The following LARS2 variants were observed in gnomAD, a reference collection of about 807,000 sequenced individuals.
LARS2 encodes the protein leucyl-tRNA synthetase 2, mitochondrial.
A neutral mutation model predicts 116.6 loss-of-function variants in LARS2; 81 were observed. The ratio of observed to expected loss-of-function variants is 0.69; its 90% confidence interval spans 0.58 to 0.84. The LOEUF is 0.84. Ranked by LOEUF, LARS2 falls within the 40% of genes least tolerant of loss-of-function variation. The probability of loss-of-function intolerance (pLI) is 0.00; values close to 1 mark genes in which losing one functional copy is unlikely to be tolerated. For missense variants in LARS2, 968 were observed against 1,114.5 expected, an observed-to-expected ratio of 0.87 and a Z score of 1.87; for synonymous variants, 396 against 407.2, an observed-to-expected ratio of 0.97 and a Z score of 0.33.
At chr3:45,535,962 G>A (rs1700699231) in intron 20 of LARS2, among the ~76,000 whole-genome samples, 1 of 152,080 alleles carries the variant, frequency 6.6e-6, no homozygotes, top group African/African-American at 2.4e-5. Flanking sequence ...GTAACTTCCT[G>A]TGAATCTATA....
At chr3:45,542,057 A>G in intron 21 of LARS2, 101 bp downstream of exon 21, 1 of 1,425,834 alleles carries the variant, frequency 7.0e-7, no homozygotes, top group Non-Finnish European at 9.6e-7. Context: ...AGGCCTTTCT[A>G]GCTCACTCAG....
At chr3:45,428,142 T>G (rs1698627765) in intron 6 of LARS2, among the ~76,000 whole-genome samples, 1 of 151,540 alleles carries the variant, frequency 6.6e-6, no homozygotes, top group Admixed American at 6.6e-5. Context: ...TTCAATGTAC[T>G]TTTACCACTA....
intron 7 of LARS2, among the ~76,000 whole-genome samples, chr3:45,452,475 G>A (rs535038404): frequency 9.9e-5 from 15 of 151,682 alleles, no homozygotes; most frequent in South Asian, 2.1e-4. Flanking sequence ...TGATTTTGTC[G>A]TATGACATGA....
At chr3:45,398,567 C>T (rs182908904) in intron 3 of LARS2, among the ~76,000 whole-genome samples, 26 of 152,286 alleles carry the variant, frequency 1.7e-4, no homozygotes, top group East Asian at 1.3e-3. Flanking sequence ...CCCTTAGTGA[C>T]GAAACAGAAT....
intron 18 of LARS2, 106 bp downstream of exon 18, chr3:45,518,178 G>C (rs1163529929): frequency 1.3e-6 from 1 of 785,912 alleles, no homozygotes; most frequent in Non-Finnish European, 2.0e-6. Context: ...GGGCCACTGT[G>C]GGTCTTCCTT....
Position 45,447,810 on chromosome 3 carries a change from G to A in LARS2, c.606+830G>A, listed in dbSNP as rs144795268. Among the ~76,000 whole-genome samples the A allele has an allele frequency of 3.3e-5, 5 of 152,272 alleles. No homozygotes were observed. In the East Asian group the frequency reaches 9.6e-4, roughly 29 times the overall value. ...CCCGAGAAATGAAAGTGTTTGTTAT[G>A]GTGGGAGCTCAATAATGATAGGTAA... On this transcript the variant is annotated intron_variant, in intron 7 of 21. Coordinates refer to ENST00000645846, the MANE Select transcript of LARS2 (RefSeq NM_015340.4).
intron 21 of LARS2, among the ~76,000 whole-genome samples, chr3:45,545,982 C>T (rs1700870311): frequency 6.6e-6 from 1 of 151,534 alleles, no homozygotes; most frequent in Admixed American, 6.6e-5. Context: ...AAAAACTAAG[C>T]TCAAGATCCC....
At chr3:45,399,933 A>T (rs1429171002) in intron 3 of LARS2, among the ~76,000 whole-genome samples, 1 of 151,954 alleles carries the variant, frequency 6.6e-6, no homozygotes, top group African/African-American at 2.4e-5. Flanking sequence ...CTCCAATCTC[A>T]CCCAGGTCAC....
At chr3:45,498,324 A>G (rs1275080712) in intron 14 of LARS2, among the ~76,000 whole-genome samples, 1 of 152,188 alleles carries the variant, frequency 6.6e-6, no homozygotes, top group Non-Finnish European at 1.5e-5. Context: ...TCCTGAGTGG[A>G]TCATAAATCT....
In LARS2 at chr3:45,458,831, A is replaced by G. The variant is rs1699260758; in HGVS notation, c.695A>G (p.Lys232Arg). Residue 232 changes from lysine (K) to arginine (R), a missense_variant, in exon 8 of 22, where the codon AAG (lysine) becomes AGG (arginine). Transcript: ENST00000645846. ...EHGCSWRSGA[K>R]VEQKYLRQWF... ...GGCTGTTCATGGCGTTCTGGAGCAA[A>G]GGTGGAACAGAAGTACCTCAGACAA... 2 of 1,613,996 alleles carry G rather than the reference A, an allele frequency of 1.2e-6. No homozygotes were observed. Among genetic ancestry groups the G allele is most frequent in the East Asian group, 2.2e-5 (1 of 44,896 alleles).
intron 21 of LARS2, 131 bp downstream of exon 21, chr3:45,542,087 T>C (rs1700807617): frequency 6.0e-6 from 7 of 1,175,922 alleles, no homozygotes; most frequent in South Asian, 4.7e-5. Flanking sequence ...CAGCCACACC[T>C]TGTGACCGGA....
At chr3:45,415,955 T>C (rs947209381) in intron 4 of LARS2, among the ~76,000 whole-genome samples, 2 of 150,216 alleles carry the variant, frequency 1.3e-5, no homozygotes, top group African/African-American at 2.5e-5. Flanking sequence ...AAATGATGTA[T>C]AGGGCTTAGT....
chr3:45,474,323 G>T lies in LARS2; in HGVS notation c.831G>T (p.Val277=). The change falls in exon 9 of 22, where the codon GTG becomes GTT. Residue 277 remains valine, a synonymous_variant. Transcript: ENST00000645846. ...GMQAHWIGDC[V]GCHLDFTLKV... Reference sequence around the variant, plus strand: ...AAGCCCACTGGATTGGGGACTGTGTGGGCTGCCACCTGGACTTCACATTAA... The same window carrying T: ...AAGCCCACTGGATTGGGGACTGTGTTGGCTGCCACCTGGACTTCACATTAA... 1 of 1,609,518 alleles carries T rather than the reference G, an allele frequency of 6.2e-7. No individual in the cohort carries two copies. The highest frequency in any genetic ancestry group is 8.5e-7 in the Non-Finnish European group (1 of 1,176,426).
intron 8 of LARS2, among the ~76,000 whole-genome samples, chr3:45,467,662 G>A (rs768646786): frequency 7.2e-5 from 11 of 152,184 alleles, no homozygotes; most frequent in Admixed American, 5.9e-4. Context: ...TTGGGAAAAT[G>A]TATGTCTTAG....
In LARS2 at chr3:45,410,226, A is replaced by G. The variant is rs1321424842; in HGVS notation, c.364-7256A>G. 1.3e-5 allele frequency among the ~76,000 whole-genome samples: 2 copies of G among 152,156 alleles called. 1 individual carries two copies. The highest frequency in any genetic ancestry group is 4.8e-5 in the African/African-American group (2 of 41,526). On this transcript the variant is annotated intron_variant, in intron 4 of 21. Coordinates refer to ENST00000645846, the MANE Select transcript of LARS2 (RefSeq NM_015340.4). ...ACACAGCCCAAGGAGAATTTAAAGC[A>G]CAGCTGGAAGCTGCTCAGGTGTTGT...
At chr3:45,408,070 GC>G (rs971302266) in intron 4 of LARS2, among the ~76,000 whole-genome samples, 2 of 151,914 alleles carry the variant, frequency 1.3e-5, no homozygotes, top group Non-Finnish European at 2.9e-5. Flanking sequence ...TCTACATAAG[GC>G]CCCCCCGTCC....
rs1336575851 is a variant in LARS2 at position 45,417,455 on chromosome 3, G to T, written c.364-27G>T. ...AATGGAGTTATTAATGATTTGCCAT[G>T]GTTGATGTTCCTCTTCTGGGTCCTA... On this transcript the variant is annotated intron_variant, in intron 4 of 21. Transcript: ENST00000645846. 8 of 1,542,178 alleles carry T rather than the reference G, an allele frequency of 5.2e-6. No individual in the cohort carries two copies. In the Admixed American group the frequency reaches 8.4e-5, roughly 16 times the overall value.
At chr3:45,532,596 T>C (rs939836550) in intron 20 of LARS2, among the ~76,000 whole-genome samples, 21 of 152,196 alleles carry the variant, frequency 1.4e-4, no homozygotes, top group Admixed American at 1.4e-3. Context: ...GTTAGGTTAG[T>C]GAAAGAGGGT....
chr3:45,402,140 GT>G (rs1418560108), intron 4 of LARS2, among the ~76,000 whole-genome samples: 2 of 152,122 alleles, frequency 1.3e-5, no homozygotes, highest in East Asian at 3.8e-4. Flanking sequence ...TCAACACCTT[GT>G]TTTCTCTCAT....
Sources: allele counts gnomAD v4.1 joint callset (sites outside exome capture counted in the v4.1 genomes callset), GRCh38; gene constraint gnomAD v4.1.1; transcripts MANE v1.5; gene names NCBI Gene and HGNC (gene_info 2026-07-23, HGNC 2026-07-21).